Variants in GIPR observed in about 807,000 individuals in gnomAD.
The protein encoded by GIPR is gastric inhibitory polypeptide receptor.
A neutral mutation model predicts 62.2 loss-of-function variants in GIPR; 74 were observed. That is an observed-to-expected ratio of 1.19 (90% CI 0.99 to 1.44). The LOEUF is 1.44. Among genes scored for constraint, GIPR ranks in the 40% most tolerant of loss-of-function variants. The pLI is 0.00. For missense variants in GIPR, 664 were observed against 611.8 expected (o/e 1.09, Z -0.90); for synonymous variants, 256 against 262.2 (o/e 0.98, Z 0.23).
At chr19:45,675,990 G>C (rs1975832872) in intron 7 of GIPR, among the ~76,000 whole-genome samples, 3 of 152,162 alleles carry the variant, frequency 2.0e-5, no homozygotes. Context: ...CAGGACACAA[G>C]GTCAGGAGTT....
At chr19:45,672,722 AT>A in intron 4 of GIPR, 128 bp from the exon 5 acceptor site, 1 of 614,994 alleles carries the variant, frequency 1.6e-6, no homozygotes, top group Non-Finnish European at 2.9e-6. Context: ...AGGGTTTATC[AT>A]CATCATCATC....
Position 45,674,172 on chromosome 19 carries a change from G to C in GIPR, c.483G>C (p.Leu161Phe). The C allele has an allele frequency of 6.2e-7, 1 of 1,606,850 alleles. No homozygotes were observed. Among genetic ancestry groups the C allele is most frequent in the Non-Finnish European group, 8.5e-7 (1 of 1,173,382 alleles). The change falls in exon 6 of 14, where the codon TTG (leucine) becomes TTC (phenylalanine). Residue 161 changes from leucine to phenylalanine, a missense_variant. Leu to Phe is a conservative substitution (Grantham distance 22). Coordinates refer to ENST00000590918, the MANE Select transcript of GIPR (RefSeq NM_000164.4). ...TGCTAGCCCTGCTCATCTTGAGTTT[G>C]TTCAGGTGGGACCTTAACCCTGAGT... is the stretch of plus-strand genomic sequence containing the variant. ...TLLLALLILS[L>F]FRRLHCTRNY...
intron 7 of GIPR, among the ~76,000 whole-genome samples, chr19:45,676,232 T>C (rs1600303601): frequency 6.9e-6 from 1 of 144,678 alleles, no homozygotes; most frequent in Admixed American, 7.0e-5. Flanking sequence ...GAGGAAGCCA[T>C]AGGGCAGGAG....
intron 12 of GIPR, among the ~76,000 whole-genome samples, chr19:45,681,025 G>A (rs1967197061): frequency 6.6e-6 from 1 of 152,108 alleles, no homozygotes; most frequent in Non-Finnish European, 1.5e-5. Context: ...CCCACCTCCA[G>A]GGTCCACAGT....
intron 1 of GIPR, 66 bp downstream of exon 1, chr19:45,668,364 C>G (rs1428530143): frequency 6.5e-6 from 1 of 153,180 alleles, no homozygotes; most frequent in Non-Finnish European, 1.5e-5. Flanking sequence ...CTCTGGCACT[C>G]TCCCTCTCTG....
At chr19:45,672,718 TATCATCATCATCATC>T (rs13306396) in intron 4 of GIPR, 118 bp from the exon 5 acceptor site, 1 of 663,310 alleles carries the variant, frequency 1.5e-6, no homozygotes, top group Non-Finnish European at 2.8e-6. Context: ...TATAAGGGTT[TATCATCATCATCATC>T]ATCATCATCA....
chr19:45,677,838 G>C (rs1462778178), intron 10 of GIPR, 59 bp downstream of exon 10: 2 of 1,597,726 alleles, frequency 1.3e-6, no homozygotes, highest in African/African-American at 2.7e-5. Flanking sequence ...CTGGGAAGTG[G>C]GCTGCCACCT....
Position 45,674,778 on chromosome 19 carries a change from TCG to T in GIPR, c.586_587del (p.Arg196ThrfsTer114). 6.2e-7 allele frequency: 1 copy of T among 1,613,974 alleles called. No homozygotes were observed. The stretch of plus-strand genomic sequence containing the variant: ...TTCTCAGCCGAGACCGTCTGCTACC[TCG>T]ACCTGGCCCCTACCTTGGGGACCAG... ...AILSRDRLLP[R>X]PGPYLGDQAL... On this transcript the variant is annotated frameshift_variant, in exon 7 of 14. Coordinates refer to ENST00000590918, the MANE Select transcript of GIPR (RefSeq NM_000164.4). LOFTEE classifies it high-confidence loss of function.
rs1226826571 is a variant in GIPR, at chr19:45,680,244, C to A, written c.1153-1360C>A. ...AGGCTAGGTGGCACGTGCCTGTAATCCCAGCTATTCAGGAGGCTGAGGCAG... is the reference window on the plus strand; with the variant it reads ...AGGCTAGGTGGCACGTGCCTGTAATACCAGCTATTCAGGAGGCTGAGGCAG... On this transcript the variant is annotated intron_variant, in intron 12 of 13. Coordinates refer to ENST00000590918, the MANE Select transcript of GIPR (RefSeq NM_000164.4). Among the ~76,000 whole-genome samples the A allele has an allele frequency of 2.0e-5, 3 of 152,178 alleles. No individual in the cohort carries two copies. In the East Asian group the frequency reaches 5.8e-4, roughly 29 times the overall value.
chr19:45,678,060 G>A (rs764396691), intron 11 of GIPR, 28 bp from the exon 12 acceptor site: 2 of 1,611,730 alleles, frequency 1.2e-6, no homozygotes, highest in East Asian at 2.2e-5. Context: ...AGGGCTGCGG[G>A]ATCACTGCTG....
At position 45,677,994 on chromosome 19, in the gene GIPR, G is replaced by T. The variant is rs909594604; in HGVS notation, c.1013G>T (p.Arg338Met). Reference protein sequence around the residue: ...RQMRCRDYRLRLARSTLTLVP... With the variant: ...RQMRCRDYRLMLARSTLTLVP... ...ATGCGCTGCCGGGATTACCGGCTGAGGTGAGGGCATGCGTTGGGGACCGAG... is the reference window on the plus strand; with the variant it reads ...ATGCGCTGCCGGGATTACCGGCTGATGTGAGGGCATGCGTTGGGGACCGAG... The change falls in exon 11 of 14, where the codon AGG (arginine) becomes ATG (methionine). Residue 338 changes from arginine (R) to methionine (M), a missense_variant and splice_region_variant. Transcript: ENST00000590918. 7.4e-6 allele frequency: 12 copies of T among 1,613,570 alleles called. No individual in the cohort carries two copies. The highest frequency in any genetic ancestry group is 1.3e-5 in the African/African-American group (1 of 74,946).
chr19:45,669,748 C>T (rs1975440180), intron 2 of GIPR, among the ~76,000 whole-genome samples, 156 bp downstream of exon 2: 1 of 151,966 alleles, frequency 6.6e-6, no homozygotes. Context: ...GAGTTCGAGA[C>T]CAGCCTGGCC....
chr19:45,681,499 AAAACAAACAAAC>A (rs149092660), intron 12 of GIPR, 93 bp from the exon 13 acceptor site: 7 of 987,280 alleles, frequency 7.1e-6, no homozygotes, highest in Middle Eastern at 3.1e-4. Flanking sequence ...CCGACTCTTA[AAAACAAACAAAC>A]AAACAAACAA....
chr19:45,672,747 T>TCAC (rs1975607577), intron 4 of GIPR, 104 bp from the exon 5 acceptor site: 3 of 709,432 alleles, frequency 4.2e-6, no homozygotes, highest in African/African-American at 3.6e-5. Context: ...ATCATCATCA[T>TCAC]CACCACTTCG....
Position 45,672,919 on chromosome 19 carries a change from CA to C in GIPR, c.351del (p.Gln117HisfsTer38). On this transcript the variant is annotated frameshift_variant, in exon 5 of 14. Transcript: ENST00000590918. LOFTEE classifies it high-confidence loss of function. The part of the protein sequence containing the change: ...GQWGLWRDHT[Q>X]CENPEKNEAF... ...ATGGGGACTTTGGAGAGACCATACA[CA>C]ATGTGAGAACCCAGAGAAGAATGAG... The C allele has an allele frequency of 6.2e-7, 1 of 1,612,112 alleles. No homozygotes were observed. Among genetic ancestry groups the C allele is most frequent in the Non-Finnish European group, 8.5e-7 (1 of 1,178,264 alleles).
intron 7 of GIPR, 33 bp from the exon 8 acceptor site, chr19:45,676,916 G>T: frequency 1.2e-6 from 2 of 1,608,246 alleles, no homozygotes; most frequent in South Asian, 1.1e-5. Flanking sequence ...GGGCAGCGCT[G>T]ACTACCCCTC....
At chr19:45,676,176 C>T (rs1393716894) in intron 7 of GIPR, among the ~76,000 whole-genome samples, 1 of 148,064 alleles carries the variant, frequency 6.8e-6, no homozygotes. Flanking sequence ...GCGCTCCAGC[C>T]TGGGCGACAG....
chr19:45,677,363 G>A lies in GIPR; in HGVS notation c.834G>A (p.Arg278=). Residue 278 remains arginine (R), a synonymous_variant, in exon 9 of 14, where the codon AGG becomes AGA. Coordinates refer to ENST00000590918, the MANE Select transcript of GIPR (RefSeq NM_000164.4). ...ALFVIPWVIV[R]YLYENTQCWE... Reference sequence around the variant, plus strand: ...TCGTCATTCCCTGGGTGATCGTCAGGTACCTGTACGAGAACACGCAGTGAG... The same window carrying A: ...TCGTCATTCCCTGGGTGATCGTCAGATACCTGTACGAGAACACGCAGTGAG... 6.3e-7 allele frequency: 1 copy of A among 1,598,952 alleles called. No homozygotes were observed. The highest frequency in any genetic ancestry group is 8.6e-7 in the Non-Finnish European group (1 of 1,168,790).
In GIPR at chr19:45,671,173, G is replaced by GGCGGAGAAGCACTTGGCCCACT. The variant is rs1363150397; in HGVS notation, c.173-86_173-65dup. The GGCGGAGAAGCACTTGGCCCACT allele has an allele frequency of 5.3e-3, 4,016 of 754,062 alleles. 150 individuals are homozygous for GGCGGAGAAGCACTTGGCCCACT. The African/African-American group carries it at 0.059, about 11-fold the overall frequency. 46.7% of individuals were successfully genotyped at this position (754,062 alleles called of 1,614,324 possible). A position where few individuals can be genotyped will look rare whatever the true frequency, so the allele number is the denominator to read the frequency against. On this transcript the variant is annotated intron_variant, in intron 3 of 13. Transcript: ENST00000590918. ...GGCTAGAGCCGGGCTTGGTGTGGCC[G>GGCGGAGAAGCACTTGGCCCACT]GCGGAGAAGCACTTGGCCCACTGCG...
Sources: allele counts gnomAD v4.1 joint callset (sites outside exome capture counted in the v4.1 genomes callset), GRCh38; gene constraint gnomAD v4.1.1; transcripts MANE v1.5; gene names NCBI Gene and HGNC (gene_info 2026-07-23, HGNC 2026-07-21).